The following DAB1 variants were observed in gnomAD, a reference collection of about 807,000 sequenced individuals.
DAB1 encodes disabled homolog 1.
A neutral mutation model predicts 64.6 loss-of-function variants in DAB1; 15 were observed. The observed-to-expected ratio is 0.23, with a 90% CI of 0.16 to 0.36. The LOEUF is 0.36. Ranked by LOEUF, DAB1 falls within the 10% of genes least tolerant of loss-of-function variation. The probability of loss-of-function intolerance (pLI) is 1.00; values close to 1 mark genes in which losing one functional copy is unlikely to be tolerated. For missense variants in DAB1, 596 were observed against 706.7 expected (o/e 0.84, Z 1.78); for synonymous variants, 235 against 251.9 (o/e 0.93, Z 0.64).
At chr1:57,017,091 T>C (rs1570506372) in intron 11 of DAB1, among the ~76,000 whole-genome samples, 1 of 152,138 alleles carries the variant, frequency 6.6e-6, no homozygotes, top group South Asian at 2.1e-4. Context: ...ATAGACCTCC[T>C]TGCCTTCTAT....
intron 7 of DAB1, among the ~76,000 whole-genome samples, chr1:57,553,216 G>C (rs144084105): frequency 2.6e-5 from 4 of 151,520 alleles, no homozygotes; most frequent in African/African-American, 9.7e-5. Flanking sequence ...TGGCTTTGGA[G>C]TTTTTAGTGG....
intron 5 of DAB1, among the ~76,000 whole-genome samples, chr1:58,025,173 C>T (rs1437943381): frequency 6.6e-6 from 1 of 151,870 alleles, no homozygotes; most frequent in Non-Finnish European, 1.5e-5. Context: ...CCTTATACAT[C>T]TCTAGCAACA....
chr1:57,028,698 A>G (rs1462404775), intron 9 of DAB1, among the ~76,000 whole-genome samples: 1 of 152,162 alleles, frequency 6.6e-6, no homozygotes. Context: ...TGGAGCAAAG[A>G]TGACTCTTGC....
intron 5 of DAB1, among the ~76,000 whole-genome samples, chr1:58,144,280 G>A (rs1248256027): frequency 6.6e-6 from 1 of 152,176 alleles, no homozygotes; most frequent in Non-Finnish European, 1.5e-5. Context: ...GTTATTAAGG[G>A]AGATAAATAT....
chr1:57,665,200 A>G (rs1646432127), intron 6 of DAB1, among the ~76,000 whole-genome samples: 1 of 152,164 alleles, frequency 6.6e-6, no homozygotes, highest in Admixed American at 6.5e-5. Flanking sequence ...AATAAAAGAT[A>G]TAAATAAAAC....
At chr1:57,934,046 C>T (rs1644989712) in intron 5 of DAB1, among the ~76,000 whole-genome samples, 2 of 145,520 alleles carry the variant, frequency 1.4e-5, no homozygotes, top group Admixed American at 1.4e-4. Flanking sequence ...TAGGCGTCCG[C>T]CACCAAGCCC....
At chr1:57,009,639 T>TA (rs1400234664) in intron 14 of DAB1, among the ~76,000 whole-genome samples, 1 of 152,096 alleles carries the variant, frequency 6.6e-6, no homozygotes, top group Non-Finnish European at 1.5e-5. Context: ...GTTCAGAACT[T>TA]AAAAAAGGAG....
intron 6 of DAB1, among the ~76,000 whole-genome samples, chr1:57,704,218 G>A (rs1646939391): frequency 6.6e-6 from 1 of 152,114 alleles, no homozygotes; most frequent in Non-Finnish European, 1.5e-5. Context: ...CAGATTCCTG[G>A]CTTCTAAAAA....
rs188179449 is a variant in DAB1 at position 57,679,113 on chromosome 1, A to G, written n.552-29448T>C. On this transcript the variant is annotated intron_variant and non_coding_transcript_variant, in intron 6 of 20. Transcript: ENST00000485760. ...TATCTTCATTTTCTAGAGAATGAATATGGTATACAGAGAAGTTTAACAACT... is the reference window on the plus strand; with the variant it reads ...TATCTTCATTTTCTAGAGAATGAATGTGGTATACAGAGAAGTTTAACAACT... Among the ~76,000 whole-genome samples, 24 of 152,270 alleles carry G rather than the reference A, an allele frequency of 1.6e-4. No individual in the cohort carries two copies. In the East Asian group the frequency reaches 4.4e-3, roughly 28 times the overall value.
intron 1 of DAB1, among the ~76,000 whole-genome samples, chr1:57,414,070 GC>G (rs1461187197): frequency 6.6e-6 from 1 of 152,240 alleles, no homozygotes; most frequent in Non-Finnish European, 1.5e-5. Flanking sequence ...TAGTGAAGAT[GC>G]TGTGAAGATT....
chr1:57,839,253 C>T (rs982267778), intron 1 of DAB1, among the ~76,000 whole-genome samples: 2 of 152,182 alleles, frequency 1.3e-5, no homozygotes, highest in Non-Finnish European at 2.9e-5. Flanking sequence ...CCTCAGACTC[C>T]TGCTCCATCC....
At chr1:58,113,441 C>G (rs1652107269) in intron 5 of DAB1, among the ~76,000 whole-genome samples, 1 of 152,130 alleles carries the variant, frequency 6.6e-6, no homozygotes. Context: ...ACTTCGGATT[C>G]CTCCAAGTTC....
At chr1:57,565,270 G>A (rs568077893) in intron 7 of DAB1, among the ~76,000 whole-genome samples, 80 of 152,266 alleles carry the variant, frequency 5.3e-4, no homozygotes, top group Non-Finnish European at 8.7e-4. Flanking sequence ...GCTCTTGAAG[G>A]AAGCACTAAA....
At chr1:57,916,658 C>CGGCT (rs1167412227) in intron 5 of DAB1, among the ~76,000 whole-genome samples, 2 of 152,216 alleles carry the variant, frequency 1.3e-5, no homozygotes, top group Non-Finnish European at 2.9e-5. Flanking sequence ...GTTAAGTAGG[C>CGGCT]CAGGCGTGGT....
At chr1:58,300,938 C>T (rs1476664490) in intron 4 of DAB1, among the ~76,000 whole-genome samples, 2 of 152,038 alleles carry the variant, frequency 1.3e-5, no homozygotes, top group African/African-American at 4.8e-5. Context: ...AGATTTTCCT[C>T]ATTGTCTTCT....
chr1:57,959,437 T>C (rs1056525831), intron 5 of DAB1, among the ~76,000 whole-genome samples: 68 of 152,318 alleles, frequency 4.5e-4, no homozygotes, highest in African/African-American at 1.6e-3. Context: ...CATTTATAAA[T>C]TGTTTTAAGG....
chr1:58,053,076 T>A (rs557911255), intron 5 of DAB1, among the ~76,000 whole-genome samples: 1 of 152,258 alleles, frequency 6.6e-6, no homozygotes, highest in East Asian at 1.9e-4. Flanking sequence ...AGTAAGAACT[T>A]ACTCACTTCC....
intron 5 of DAB1, among the ~76,000 whole-genome samples, chr1:58,106,493 C>T (rs1013024032): frequency 2.6e-5 from 4 of 152,164 alleles, no homozygotes; most frequent in Non-Finnish European, 5.9e-5. Flanking sequence ...CAGTGGTTTC[C>T]TATTTAATCC....
intron 2 of DAB1, among the ~76,000 whole-genome samples, chr1:57,203,939 G>A (rs1160060681): frequency 6.6e-6 from 1 of 152,084 alleles, no homozygotes; most frequent in Non-Finnish European, 1.5e-5. Flanking sequence ...GCCCAGGCTG[G>A]AGTGCAGTGG....
Sources: gnomAD v4.1 joint callset for allele counts (sites outside exome capture counted in the v4.1 genomes callset) on GRCh38, gnomAD v4.1.1 for gene constraint, MANE v1.5 for transcripts, NCBI Gene and HGNC (gene_info 2026-07-23, HGNC 2026-07-21) for gene names.